FSTL5: variants seen among roughly 807,000 people sequenced by gnomAD.
FSTL5 encodes the protein follistatin-related protein 5.
A neutral mutation model predicts 89.1 loss-of-function variants in FSTL5; 62 were observed. That is an observed-to-expected ratio of 0.70 (90% confidence interval 0.57 to 0.86). The LOEUF is 0.86. Ranked by LOEUF, FSTL5 falls within the 40% of genes least tolerant of loss-of-function variation. FSTL5 has a pLI of 0.00. For synonymous variants in FSTL5, 383 were observed against 346.2 expected, an observed-to-expected ratio of 1.11 and a Z score of -1.18; for missense variants, 1,057 against 1,001.6, an observed-to-expected ratio of 1.06 and a Z score of -0.75.
intron 11 of FSTL5, among the ~76,000 whole-genome samples, chr4:161,507,754 T>C (rs1730529071): frequency 6.6e-6 from 1 of 151,888 alleles, no homozygotes; most frequent in African/African-American, 2.4e-5. Context: ...TAAATTTATT[T>C]AGATTATAAA....
chr4:161,447,069 G>A lies in FSTL5; in HGVS notation c.1841+7935C>T, dbSNP rs556401994. 5.9e-5 allele frequency among the ~76,000 whole-genome samples: 9 copies of A among 152,128 alleles called. 1 individual carries two copies. The South Asian group carries it at 1.9e-3, about 32-fold the overall frequency. On this transcript the variant is annotated intron_variant, in intron 15 of 15. Coordinates refer to ENST00000306100, the MANE Select transcript of FSTL5 (RefSeq NM_020116.5). ...ATCCTGTTTTACTGAACACTTTGAT[G>A]AGTTAGCATAAGGACCTCTGAGAGA...
At chr4:161,822,793 T>C (rs1730532746) in intron 4 of FSTL5, among the ~76,000 whole-genome samples, 1 of 152,194 alleles carries the variant, frequency 6.6e-6, no homozygotes, top group Non-Finnish European at 1.5e-5. Flanking sequence ...CCAGGAAGAA[T>C]GAGGTACATG....
intron 4 of FSTL5, among the ~76,000 whole-genome samples, chr4:161,777,234 T>G (rs2126805258): frequency 1.1e-5 from 1 of 91,980 alleles, no homozygotes; most frequent in African/African-American, 3.8e-5. Context: ...CTGAATAATA[T>G]TTCATTGTGT....
chr4:161,849,397 T>A (rs1731479318), intron 4 of FSTL5, among the ~76,000 whole-genome samples: 1 of 152,040 alleles, frequency 6.6e-6, no homozygotes, highest in African/African-American at 2.4e-5. Flanking sequence ...TTCACACTGG[T>A]TAAAACTGCC....
At chr4:161,716,859 C>T (rs1307384995) in intron 6 of FSTL5, among the ~76,000 whole-genome samples, 4 of 151,916 alleles carry the variant, frequency 2.6e-5, no homozygotes, top group African/African-American at 9.7e-5. Context: ...TTGCTGAAGT[C>T]TAGAAAGGAG....
chr4:162,022,044 T>C (rs1737107261), intron 3 of FSTL5, among the ~76,000 whole-genome samples: 1 of 151,308 alleles, frequency 6.6e-6, no homozygotes, highest in South Asian at 2.1e-4. Flanking sequence ...TGGGCCGAGA[T>C]TGCACCAGTG....
chr4:161,420,469 CCT>C (rs1399780759), intron 15 of FSTL5, among the ~76,000 whole-genome samples: 1 of 151,964 alleles, frequency 6.6e-6, no homozygotes, highest in Non-Finnish European at 1.5e-5. Context: ...TGTTTTCTTT[CCT>C]CTCTTATTTC....
intron 8 of FSTL5, among the ~76,000 whole-genome samples, chr4:161,562,290 G>A (rs992756812): frequency 4.6e-5 from 7 of 151,884 alleles, no homozygotes; most frequent in South Asian, 4.1e-4. Flanking sequence ...TTCTTCACAC[G>A]CAGGATGATT....
chr4:162,062,360 G>C (rs1738749484), intron 2 of FSTL5, among the ~76,000 whole-genome samples: 1 of 151,858 alleles, frequency 6.6e-6, no homozygotes. Flanking sequence ...TTGTGTACTT[G>C]TTGAGAGATT....
chr4:161,468,031 T>C (rs73861538), intron 13 of FSTL5, among the ~76,000 whole-genome samples: 2 of 152,234 alleles, frequency 1.3e-5, no homozygotes, highest in African/African-American at 4.8e-5. Flanking sequence ...TAAATTTCTA[T>C]AGAATAGTTT....
chr4:161,643,420 A>G (rs2126670510), intron 7 of FSTL5, among the ~76,000 whole-genome samples: 1 of 151,806 alleles, frequency 6.6e-6, no homozygotes, highest in African/African-American at 2.4e-5. Context: ...ATTATTCCAT[A>G]GTGTATATGT....
At chr4:161,611,206 A>G (rs1326549909) in intron 7 of FSTL5, among the ~76,000 whole-genome samples, 1 of 139,410 alleles carries the variant, frequency 7.2e-6, no homozygotes, top group African/African-American at 2.7e-5. Flanking sequence ...GTGTATATAT[A>G]TGTGTATATG....
chr4:161,386,589 A>G, intron 15 of FSTL5, 140 bp from the exon 16 acceptor site: 2 of 612,614 alleles, frequency 3.3e-6, no homozygotes, highest in East Asian at 5.5e-5. Flanking sequence ...ATTGTGCTAG[A>G]ATTAATCTGT....
rs530983112 is a variant in FSTL5 at position 162,097,314 on chromosome 4, A to G, written c.126+13957T>C. ...TGCTAGCGAAATAAATATGGTGTGT[A>G]TATATATGTGTGTATACGCATATAT... On this transcript the variant is annotated intron_variant, in intron 2 of 15. Coordinates refer to ENST00000306100, the MANE Select transcript of FSTL5 (RefSeq NM_020116.5). Among the ~76,000 whole-genome samples the G allele has an allele frequency of 3.3e-5, 5 of 151,898 alleles. No homozygotes were observed. The South Asian group carries it at 1.0e-3, about 32-fold the overall frequency.
At chr4:161,811,123 A>G (rs1730124173) in intron 4 of FSTL5, among the ~76,000 whole-genome samples, 1 of 152,188 alleles carries the variant, frequency 6.6e-6, no homozygotes. Flanking sequence ...CTAAATAAAG[A>G]GAGGAGAAAT....
chr4:161,513,345 C>T (rs1730717419), intron 10 of FSTL5, among the ~76,000 whole-genome samples: 1 of 138,354 alleles, frequency 7.2e-6, no homozygotes, highest in African/African-American at 2.7e-5. Flanking sequence ...AGAAAGAGGG[C>T]CTTTTGATGG....
chr4:161,704,704 C>T (rs1375487800), intron 6 of FSTL5, among the ~76,000 whole-genome samples: 4 of 152,044 alleles, frequency 2.6e-5, no homozygotes, highest in Non-Finnish European at 5.9e-5. Flanking sequence ...GTTACCTAAG[C>T]AGTTTAAAGA....
chr4:161,895,525 T>A (rs1733128691), intron 4 of FSTL5, among the ~76,000 whole-genome samples: 1 of 152,132 alleles, frequency 6.6e-6, no homozygotes, highest in South Asian at 2.1e-4. Flanking sequence ...TATACTCAGA[T>A]TTTTTGGAGT....
intron 2 of FSTL5, among the ~76,000 whole-genome samples, chr4:162,082,538 T>C (rs79588318): frequency 0.3 from 44,962 of 151,060 alleles, 7,579 homozygotes; most frequent in Non-Finnish European, 0.37. Flanking sequence ...ATTCTTTTTT[T>C]TTTTTTCAAA....
Sources: allele counts gnomAD v4.1 joint callset (sites outside exome capture counted in the v4.1 genomes callset), GRCh38; gene constraint gnomAD v4.1.1; transcripts MANE v1.5; gene names NCBI Gene and HGNC (gene_info 2026-07-23, HGNC 2026-07-21).